Variants in C10orf67 observed in about 807,000 individuals in gnomAD.
C10orf67 encodes the protein chromosome 10 open reading frame 67.
A neutral mutation model predicts 35.6 loss-of-function variants in C10orf67; 60 were observed. The observed-to-expected ratio is 1.68, with a 90% CI of 1.37 to 2.09. C10orf67 has a LOEUF of 2.09. Among genes scored for constraint, C10orf67 ranks in the 30% most tolerant of loss-of-function variants. The pLI is 0.00. For synonymous variants in C10orf67, 167 were observed against 115.8 expected, an observed-to-expected ratio of 1.44 and a Z score of -2.84; for missense variants, 474 against 330.2, an observed-to-expected ratio of 1.44 and a Z score of -3.38.
At chr10:23,315,494 A>C (rs1423619832) in intron 4 of C10orf67, among the ~76,000 whole-genome samples, 1 of 152,170 alleles carries the variant, frequency 6.6e-6, no homozygotes, top group African/African-American at 2.4e-5. Context: ...GCTGGAGTGC[A>C]GTGGCATGAT....
At chr10:23,233,530 T>C (rs980617385) in intron 13 of C10orf67, among the ~76,000 whole-genome samples, 6 of 152,190 alleles carry the variant, frequency 3.9e-5, no homozygotes, top group African/African-American at 1.4e-4. Context: ...AGGTTAAACA[T>C]AAACATATAA....
At chr10:23,273,640 C>A (rs1234452062) in intron 8 of C10orf67, among the ~76,000 whole-genome samples, 1 of 152,190 alleles carries the variant, frequency 6.6e-6, no homozygotes, top group African/African-American at 2.4e-5. Flanking sequence ...GCTGTCCCCA[C>A]ACAGCCAATG....
At chr10:23,324,181 CA>C (rs1255219254) in intron 2 of C10orf67, among the ~76,000 whole-genome samples, 1 of 151,294 alleles carries the variant, frequency 6.6e-6, no homozygotes, top group Admixed American at 6.6e-5. Flanking sequence ...TGCTACAGGA[CA>C]GGAGAACTAA....
At chr10:23,334,947 G>A (rs1054649217) in intron 1 of C10orf67, among the ~76,000 whole-genome samples, 21 of 152,244 alleles carry the variant, frequency 1.4e-4, no homozygotes, top group African/African-American at 3.6e-4. Context: ...TCAGCACTTC[G>A]GGAGGCCAAG....
intron 2 of C10orf67, among the ~76,000 whole-genome samples, chr10:23,329,054 CAGAA>C (rs1387330196): frequency 8.3e-6 from 1 of 120,988 alleles, no homozygotes; most frequent in African/African-American, 3.0e-5. Context: ...AAAGAGTAAA[CAGAA>C]AGGAATAAGG....
intron 1 of C10orf67, among the ~76,000 whole-genome samples, chr10:23,338,948 C>T (rs889005134): frequency 2.0e-5 from 3 of 152,232 alleles, no homozygotes; most frequent in Non-Finnish European, 4.4e-5. Flanking sequence ...GAATGCAGTT[C>T]TGTCTCACAG....
intron 4 of C10orf67, among the ~76,000 whole-genome samples, chr10:23,316,368 G>A (rs1414494229): frequency 3.3e-5 from 5 of 152,232 alleles, no homozygotes; most frequent in Non-Finnish European, 7.3e-5. Context: ...GAACTGCAGA[G>A]CCCCAAAGAG....
At chr10:23,253,508 C>A (rs747800816) in intron 10 of C10orf67, among the ~76,000 whole-genome samples, 12 of 151,936 alleles carry the variant, frequency 7.9e-5, no homozygotes, top group Non-Finnish European at 1.5e-4. Flanking sequence ...AGAACACTTG[C>A]CATTATGCTA....
chr10:23,245,892 A>T (rs889621708), intron 12 of C10orf67, among the ~76,000 whole-genome samples: 10 of 152,248 alleles, frequency 6.6e-5, no homozygotes, highest in Non-Finnish European at 1.5e-4. Context: ...CCATAAGGAC[A>T]CATGCACATG....
chr10:23,279,719 TTA>T (rs1843310428), intron 8 of C10orf67, among the ~76,000 whole-genome samples: 2 of 152,106 alleles, frequency 1.3e-5, no homozygotes, highest in African/African-American at 2.4e-5. Context: ...AGATACAAAA[TTA>T]TTTCATATGC....
chr10:23,245,739 T>C (rs1478535914), intron 12 of C10orf67, among the ~76,000 whole-genome samples: 1 of 152,220 alleles, frequency 6.6e-6, no homozygotes, highest in Non-Finnish European at 1.5e-5. Flanking sequence ...AAGGGAACCC[T>C]TGCACACTGT....
At chr10:23,242,020 G>A (rs943137711) in intron 12 of C10orf67, among the ~76,000 whole-genome samples, 2 of 151,768 alleles carry the variant, frequency 1.3e-5, no homozygotes, top group African/African-American at 4.8e-5. Context: ...TGCCCAGGCT[G>A]GAGTGCAGTG....
At chr10:23,336,498 T>C (rs147324273) in intron 1 of C10orf67, among the ~76,000 whole-genome samples, 7 of 152,284 alleles carry the variant, frequency 4.6e-5, no homozygotes, top group African/African-American at 1.7e-4. Context: ...TTGGTTTCTT[T>C]TCTTTCTTCT....
chr10:23,281,803 T>A (rs995996937), intron 8 of C10orf67, among the ~76,000 whole-genome samples: 2 of 152,208 alleles, frequency 1.3e-5, no homozygotes, highest in African/African-American at 4.8e-5. Context: ...CACAAGACTC[T>A]AGTAAGCATA....
At chr10:23,212,826 G>GT (rs1407421865) in intron 15 of C10orf67, among the ~76,000 whole-genome samples, 6 of 89,748 alleles carry the variant, frequency 6.7e-5, no homozygotes, top group Admixed American at 4.2e-4. Context: ...AGAGAGAGAC[G>GT]TAAGCATGCA....
chr10:23,316,538 G>A (rs1439221030), intron 4 of C10orf67, among the ~76,000 whole-genome samples: 1 of 152,232 alleles, frequency 6.6e-6, no homozygotes, highest in African/African-American at 2.4e-5. Context: ...TGGGTCCCAA[G>A]TTCTCGTCCC....
chr10:23,303,010 A>T (rs1249635239), intron 5 of C10orf67, among the ~76,000 whole-genome samples: 1 of 152,184 alleles, frequency 6.6e-6, no homozygotes, highest in African/African-American at 2.4e-5. Flanking sequence ...CCACTCCCAC[A>T]CTCTTCTAGA....
intron 7 of C10orf67, among the ~76,000 whole-genome samples, chr10:23,282,566 C>A (rs1264613402): frequency 6.6e-6 from 1 of 151,790 alleles, no homozygotes; most frequent in East Asian, 1.9e-4. Flanking sequence ...GGTGTGAGAC[C>A]AACCTGGTAG....
At chr10:23,327,425 C>A (rs1845242519) in intron 2 of C10orf67, among the ~76,000 whole-genome samples, 1 of 152,042 alleles carries the variant, frequency 6.6e-6, no homozygotes, top group South Asian at 2.1e-4. Flanking sequence ...AATACTAGCC[C>A]AAAGAATGTT....
Sources: allele counts gnomAD v4.1 joint callset (sites outside exome capture counted in the v4.1 genomes callset), GRCh38; gene constraint gnomAD v4.1.1; transcripts MANE v1.5; gene names NCBI Gene and HGNC (gene_info 2026-07-23, HGNC 2026-07-21).